The following HPCAL1 variants were observed in gnomAD, a reference collection of about 807,000 sequenced individuals.
HPCAL1 encodes the protein hippocalcin like 1.
A neutral mutation model predicts 17.1 loss-of-function variants in HPCAL1; 8 were observed. The ratio of observed to expected loss-of-function variants is 0.47; its 90% CI spans 0.27 to 0.84. HPCAL1 has a LOEUF of 0.84. Among genes scored for constraint, HPCAL1 ranks in the 40% least tolerant of loss-of-function variants. HPCAL1 has a pLI of 0.13. For synonymous variants in HPCAL1, 112 were observed against 111.4 expected (o/e 1.01, Z -0.03); for missense variants, 165 against 271.1 (o/e 0.61, Z 2.75).
rs1275679698 is a variant in HPCAL1, at chr2:10,304,668, A to C, written c.-111+1491A>C. 6.6e-6 allele frequency among the ~76,000 whole-genome samples: 1 copy of C among 152,208 alleles called. No homozygotes were observed. The highest frequency in any genetic ancestry group is 1.5e-5 in the Non-Finnish European group (1 of 68,034). ...TCTTACCACGACTCACTCTCTGGAGAGTTCTGGCGCCTCGGCGCTGGCTCG... is the reference window on the plus strand; with the variant it reads ...TCTTACCACGACTCACTCTCTGGAGCGTTCTGGCGCCTCGGCGCTGGCTCG... On this transcript the variant is annotated intron_variant, in intron 1 of 4. Coordinates refer to ENST00000307845, the MANE Select transcript of HPCAL1 (RefSeq NM_002149.4). This position sits in a 1 kb window ranked among gnomAD's most constrained non-coding sequence, Gnocchi z 4.1.
chr2:10,379,376 G>A (rs1667796491), intron 1 of HPCAL1, among the ~76,000 whole-genome samples: 1 of 151,626 alleles, frequency 6.6e-6, no homozygotes, highest in African/African-American at 2.4e-5. Context: ...CACCCCATGG[G>A]TGTGGCCCAT....
intron 1 of HPCAL1, among the ~76,000 whole-genome samples, chr2:10,320,857 T>C (rs1663629847): frequency 6.6e-6 from 1 of 152,196 alleles, no homozygotes; most frequent in Non-Finnish European, 1.5e-5. Context: ...TGTTTCTAGC[T>C]GGGAGCAACA....
intron 1 of HPCAL1, among the ~76,000 whole-genome samples, chr2:10,314,067 G>C (rs188981361): frequency 6.6e-6 from 1 of 151,660 alleles, no homozygotes; most frequent in Non-Finnish European, 1.5e-5. Flanking sequence ...GGAGGCAGAG[G>C]TTGCAATGAG....
At chr2:10,370,805 T>A (rs1167789068) in intron 1 of HPCAL1, among the ~76,000 whole-genome samples, 1 of 152,234 alleles carries the variant, frequency 6.6e-6, no homozygotes, top group Non-Finnish European at 1.5e-5. Flanking sequence ...AACAGCGTTC[T>A]GGGAGGACGT....
chr2:10,360,575 C>A (rs1000121203), intron 1 of HPCAL1, among the ~76,000 whole-genome samples: 2 of 152,116 alleles, frequency 1.3e-5, no homozygotes, highest in South Asian at 2.1e-4. Context: ...CCACACCTGG[C>A]AAAATTTTTG....
chr2:10,326,340 G>A (rs770099993), intron 1 of HPCAL1, among the ~76,000 whole-genome samples: 1 of 152,228 alleles, frequency 6.6e-6, no homozygotes, highest in Non-Finnish European at 1.5e-5. Flanking sequence ...GACAGAAGGC[G>A]GGAGGTGGCT....
At chr2:10,320,976 A>AGAG (rs1663634710) in intron 1 of HPCAL1, among the ~76,000 whole-genome samples, 3 of 152,224 alleles carry the variant, frequency 2.0e-5, no homozygotes. Flanking sequence ...ATTGGATGGA[A>AGAG]GAGCGTGAGT....
At chr2:10,376,303 A>G (rs9967756) in intron 1 of HPCAL1, among the ~76,000 whole-genome samples, 83,222 of 152,112 alleles carry the variant, frequency 0.55, 24,015 homozygotes, top group East Asian at 0.79. Flanking sequence ...ACATAATTTT[A>G]AAAGATTTCA....
chr2:10,386,544 G>A (rs185688403), intron 1 of HPCAL1, among the ~76,000 whole-genome samples: 120 of 152,262 alleles, frequency 7.9e-4, no homozygotes, highest in African/African-American at 2.8e-3. Flanking sequence ...CCCTGGGAGG[G>A]GGTGAGGTTG....
Position 10,419,118 on chromosome 2 carries a change from G to A in HPCAL1, c.-24-616G>A, listed in dbSNP as rs1670868189. On this transcript the variant is annotated intron_variant, in intron 2 of 4. Transcript: ENST00000307845. This position sits in a 1 kb window ranked among gnomAD's most constrained non-coding sequence, Gnocchi z 5.0. Reference sequence around the variant, plus strand: ...CCCAGCTACTCAGGAGGCTGAGGCAGGAGAATTGCTTGAACCTGGGAGGCG... The same window carrying A: ...CCCAGCTACTCAGGAGGCTGAGGCAAGAGAATTGCTTGAACCTGGGAGGCG... 6.6e-6 allele frequency among the ~76,000 whole-genome samples: 1 copy of A among 152,192 alleles called. No homozygotes were observed. Among genetic ancestry groups the A allele is most frequent in the Non-Finnish European group, 1.5e-5 (1 of 68,040 alleles).
intron 1 of HPCAL1, among the ~76,000 whole-genome samples, chr2:10,375,965 T>C (rs188220783): frequency 5.1e-4 from 77 of 152,364 alleles, no homozygotes; most frequent in African/African-American, 1.7e-3. Context: ...AGGAGGGGTC[T>C]GGTGGGAGTT....
Position 10,423,045 on chromosome 2 carries a change from G to A in HPCAL1, c.441G>A (p.Lys147=), listed in dbSNP as rs1282805439. 2 of 1,613,626 alleles carry A rather than the reference G, an allele frequency of 1.2e-6. No individual in the cohort carries two copies. The highest frequency in any genetic ancestry group is 1.3e-5 in the African/African-American group (1 of 75,070). Residue 147 remains lysine (K), a synonymous_variant, in exon 4 of 5, where the codon AAG becomes AAA. Coordinates refer to ENST00000307845, the MANE Select transcript of HPCAL1 (RefSeq NM_002149.4). ...CGGAGGATGAGTCCACCCCGGAGAA[G>A]CGCACAGACAAGATCTTCAGGCAGA... is the stretch of plus-strand genomic sequence containing the variant. ...KMPEDESTPE[K]RTDKIFRQMD... is the part of the protein sequence containing the mutation.
intron 1 of HPCAL1, among the ~76,000 whole-genome samples, chr2:10,336,640 T>A (rs1284176780): frequency 2.0e-5 from 3 of 152,252 alleles, no homozygotes; most frequent in Non-Finnish European, 2.9e-5. Flanking sequence ...GGCTCTGCTC[T>A]ATGACGTTGT....
chr2:10,375,365 C>T (rs1667487994), intron 1 of HPCAL1, among the ~76,000 whole-genome samples: 1 of 152,216 alleles, frequency 6.6e-6, no homozygotes, highest in Admixed American at 6.5e-5. Flanking sequence ...CCCACCTGGA[C>T]ACTCAGTGGC....
At chr2:10,352,623 G>T (rs969615193) in intron 1 of HPCAL1, among the ~76,000 whole-genome samples, 1 of 152,208 alleles carries the variant, frequency 6.6e-6, no homozygotes, top group African/African-American at 2.4e-5. Flanking sequence ...CTGGTTCCTT[G>T]GTTGGGCCAC....
intron 1 of HPCAL1, among the ~76,000 whole-genome samples, chr2:10,339,882 C>A (rs1413946746): frequency 3.9e-5 from 6 of 152,210 alleles, no homozygotes; most frequent in Admixed American, 1.3e-4. Context: ...GAGGCCTGAG[C>A]CCCTGCGTGC....
In HPCAL1 at chr2:10,394,182, G is replaced by T. The variant is rs1002549218; in HGVS notation, c.-110-2653G>T. 6.6e-6 allele frequency among the ~76,000 whole-genome samples: 1 copy of T among 152,112 alleles called. No individual in the cohort carries two copies. The highest frequency in any genetic ancestry group is 2.4e-5 in the African/African-American group (1 of 41,396). ...GAGCAGCTGAAAAGAACAGAGCATG[G>T]GTTTGGGGATTTGTGTTTTGGGCGC... On this transcript the variant is annotated intron_variant, in intron 1 of 4. Transcript: ENST00000307845. This position sits in a 1 kb window ranked among gnomAD's most constrained non-coding sequence, Gnocchi z 5.0.
chr2:10,314,398 C>G (rs1663172933), intron 1 of HPCAL1, among the ~76,000 whole-genome samples: 1 of 151,996 alleles, frequency 6.6e-6, no homozygotes, highest in Admixed American at 6.6e-5. Flanking sequence ...CTGTTAACTT[C>G]CTATATTAAG....
At chr2:10,408,338 TG>T (rs1670104173) in intron 2 of HPCAL1, among the ~76,000 whole-genome samples, 1 of 152,184 alleles carries the variant, frequency 6.6e-6, no homozygotes, top group African/African-American at 2.4e-5. Context: ...TTTAAGAGGC[TG>T]GGGATGGGTA....
Sources: allele counts gnomAD v4.1 joint callset (sites outside exome capture counted in the v4.1 genomes callset), GRCh38; gene constraint gnomAD v4.1.1; non-coding constraint Gnocchi (gnomAD v3.1); transcripts MANE v1.5; gene names NCBI Gene and HGNC (gene_info 2026-07-23, HGNC 2026-07-21).